Variants in ADCY2 observed in about 807,000 individuals in gnomAD.
The protein encoded by ADCY2 is adenylate cyclase type 2.
In ADCY2, 31 loss-of-function variants were observed where a neutral mutation model predicts 125.2. The observed-to-expected ratio is 0.25, with a 90% CI of 0.19 to 0.33. The LOEUF (loss-of-function observed/expected upper bound fraction) is 0.33. ADCY2 is among the 10% of genes least tolerant of loss of function. ADCY2 has a pLI of 1.00. For missense variants in ADCY2, 904 were observed against 1,418.2 expected (o/e 0.64, Z 5.82); for synonymous variants, 512 against 548.4 (o/e 0.93, Z 0.93).
intron 21 of ADCY2, among the ~76,000 whole-genome samples, chr5:7,804,217 A>G (rs576902017): frequency 3.9e-5 from 6 of 152,320 alleles, no homozygotes; most frequent in East Asian, 1.9e-4. Context: ...TGACCATGCA[A>G]GAAAGAGCTC....
intron 2 of ADCY2, among the ~76,000 whole-genome samples, chr5:7,466,919 A>G (rs1002722737): frequency 2.0e-5 from 3 of 152,190 alleles, no homozygotes; most frequent in African/African-American, 7.2e-5. Context: ...TTTCAGCTTC[A>G]TGATGGTGTT....
intron 13 of ADCY2, among the ~76,000 whole-genome samples, chr5:7,725,487 A>G (rs1429018896): frequency 6.6e-6 from 1 of 152,148 alleles, no homozygotes; most frequent in Admixed American, 6.5e-5. Context: ...TTGGTGGTCA[A>G]GAGGATCTGT....
chr5:7,396,144 C>G lies in ADCY2; in HGVS notation c.-153C>G, dbSNP rs1309280788. On this transcript the variant is annotated 5_prime_UTR_variant, in exon 1 of 25. Transcript: ENST00000338316. The surrounding 1 kb of genome is among the most constrained non-coding windows in gnomAD (Gnocchi z 5.7). ...GCGTCAGCGCGCCCAGCCCGGGGCG[C>G]CGAGCTCCGCCCGCGCCGGAGGCCC... is the stretch of plus-strand genomic sequence containing the variant. The G allele has an allele frequency of 5.6e-6, 1 of 178,226 alleles. No homozygotes were observed. Among genetic ancestry groups the G allele is most frequent in the Non-Finnish European group, 1.0e-5 (1 of 96,008 alleles). The allele number at this position is 178,226 out of a possible 1,614,324, so 11.0% of individuals were successfully genotyped here. A position where few individuals can be genotyped will look rare whatever the true frequency, so the allele number is the denominator to read the frequency against.
intron 2 of ADCY2, among the ~76,000 whole-genome samples, chr5:7,457,712 G>C (rs1398871176): frequency 6.6e-6 from 1 of 152,116 alleles, no homozygotes; most frequent in African/African-American, 2.4e-5. Flanking sequence ...ATTGGCTAAG[G>C]AATTCTGGCC....
intron 14 of ADCY2, 104 bp downstream of exon 14, chr5:7,727,365 G>A (rs780268072): frequency 5.1e-5 from 48 of 947,632 alleles, no homozygotes; most frequent in Non-Finnish European, 7.5e-5. Flanking sequence ...TAGACAGAGG[G>A]GTGATTTAAT....
At chr5:7,814,463 G>A (rs914453723) in intron 22 of ADCY2, among the ~76,000 whole-genome samples, 5 of 151,620 alleles carry the variant, frequency 3.3e-5, no homozygotes, top group African/African-American at 4.9e-5. Flanking sequence ...ACGCTGTGAT[G>A]TGCAGGACAG....
At chr5:7,581,018 A>G (rs961745957) in intron 3 of ADCY2, among the ~76,000 whole-genome samples, 2 of 152,224 alleles carry the variant, frequency 1.3e-5, no homozygotes, top group African/African-American at 2.4e-5. Context: ...TTTTAAATGA[A>G]CAGTAACTAA....
intron 4 of ADCY2, among the ~76,000 whole-genome samples, chr5:7,674,807 AC>A (rs1740060630): frequency 6.6e-6 from 1 of 151,988 alleles, no homozygotes; most frequent in African/African-American, 2.4e-5. Flanking sequence ...CTGAACCATG[AC>A]CTTTTTTGTG....
chr5:7,568,949 C>A lies in ADCY2; in HGVS notation c.570+48050C>A, dbSNP rs144257578. Among the ~76,000 whole-genome samples the A allele has an allele frequency of 6.6e-5, 10 of 152,218 alleles. No homozygotes were observed. The East Asian group carries it at 1.7e-3, about 26-fold the overall frequency. ...TTTCCAATTAAACTGGGCAGTAAAACCTGCAGTGTCTGTACATGGGCTGTT... is the reference window on the plus strand; with the variant it reads ...TTTCCAATTAAACTGGGCAGTAAAAACTGCAGTGTCTGTACATGGGCTGTT... On this transcript the variant is annotated intron_variant, in intron 3 of 24. Transcript: ENST00000338316.
intron 13 of ADCY2, among the ~76,000 whole-genome samples, chr5:7,726,035 A>C (rs369412505): frequency 6.6e-6 from 1 of 152,190 alleles, no homozygotes; most frequent in African/African-American, 2.4e-5. Context: ...AAGAGCTATC[A>C]GAAGATAAAT....
intron 7 of ADCY2, among the ~76,000 whole-genome samples, chr5:7,700,377 G>A (rs942008669): frequency 6.6e-6 from 1 of 152,048 alleles, no homozygotes; most frequent in African/African-American, 2.4e-5. Context: ...AATGCCCTTT[G>A]TAGAAGCCAG....
chr5:7,518,138 C>T (rs2126528938), intron 2 of ADCY2, among the ~76,000 whole-genome samples: 1 of 152,286 alleles, frequency 6.6e-6, no homozygotes, highest in African/African-American at 2.4e-5. Context: ...CTAAAGAAAC[C>T]TTTCTGATAG....
At chr5:7,555,403 T>C (rs371095475) in intron 3 of ADCY2, among the ~76,000 whole-genome samples, 184 of 152,338 alleles carry the variant, frequency 1.2e-3, no homozygotes, top group African/African-American at 4.2e-3. Context: ...TGTTTTCGGG[T>C]AGGAATGGAT....
At chr5:7,745,777 A>T (rs996892357) in intron 15 of ADCY2, among the ~76,000 whole-genome samples, 4 of 152,134 alleles carry the variant, frequency 2.6e-5, no homozygotes, top group Non-Finnish European at 4.4e-5. Context: ...AACTAGCCAT[A>T]TTTATCATTT....
chr5:7,654,609 A>G (rs1289229557), intron 4 of ADCY2, among the ~76,000 whole-genome samples: 2 of 152,006 alleles, frequency 1.3e-5, no homozygotes, highest in Admixed American at 6.5e-5. Flanking sequence ...TATTAGAGTT[A>G]TATGTGTTTC....
intron 4 of ADCY2, among the ~76,000 whole-genome samples, chr5:7,637,246 G>A (rs1204898327): frequency 1.3e-5 from 2 of 152,062 alleles, no homozygotes; most frequent in Non-Finnish European, 2.9e-5. Context: ...AAGGCAGGCG[G>A]ATCACCTGAG....
chr5:7,644,149 GTAGT>G (rs1345078580), intron 4 of ADCY2, among the ~76,000 whole-genome samples: 1 of 151,998 alleles, frequency 6.6e-6, no homozygotes, highest in African/African-American at 2.4e-5. Flanking sequence ...TCTTGAAAAA[GTAGT>G]TACTTTTCTT....
chr5:7,820,449 G>A, intron 23 of ADCY2, 116 bp from the exon 24 acceptor site: 1 of 1,326,828 alleles, frequency 7.5e-7, no homozygotes, highest in Non-Finnish European at 1.0e-6. Flanking sequence ...AGCCAAGATT[G>A]CGCCACTGCA....
At chr5:7,508,681 G>A (rs1743938244) in intron 2 of ADCY2, among the ~76,000 whole-genome samples, 1 of 152,206 alleles carries the variant, frequency 6.6e-6, no homozygotes, top group Non-Finnish European at 1.5e-5. Context: ...TGGGTGGGGA[G>A]CACACTTCAC....
Sources: gnomAD v4.1 joint callset for allele counts (sites outside exome capture counted in the v4.1 genomes callset) on GRCh38, gnomAD v4.1.1 for gene constraint, Gnocchi (gnomAD v3.1) non-coding constraint, MANE v1.5 for transcripts, NCBI Gene and HGNC (gene_info 2026-07-23, HGNC 2026-07-21) for gene names.